Variants in DNM3 observed in about 807,000 individuals in gnomAD.
DNM3 encodes the protein dynamin 3.
Under a neutral mutation model 101.6 loss-of-function variants are expected in DNM3, and 47 were observed. The ratio of observed to expected loss-of-function variants is 0.46; its 90% CI spans 0.37 to 0.59. The LOEUF (loss-of-function observed/expected upper bound fraction) is 0.59. Ranked by LOEUF, DNM3 falls within the 20% of genes least tolerant of loss-of-function variation. DNM3 has a pLI of 0.00. For synonymous variants in DNM3, 385 were observed against 387.9 expected, an observed-to-expected ratio of 0.99 and a Z score of 0.09; for missense variants, 849 against 1,085.7, an observed-to-expected ratio of 0.78 and a Z score of 3.06.
At chr1:172,008,803 TA>T (rs1231830447) in intron 4 of DNM3, among the ~76,000 whole-genome samples, 1 of 139,990 alleles carries the variant, frequency 7.1e-6, no homozygotes, top group Non-Finnish European at 1.5e-5. Flanking sequence ...ATATAATATA[TA>T]ATATATAAAT....
At chr1:172,092,522 C>A (rs1340341950) in intron 12 of DNM3, among the ~76,000 whole-genome samples, 1 of 152,192 alleles carries the variant, frequency 6.6e-6, no homozygotes, top group Non-Finnish European at 1.5e-5. Context: ...TCCATTACAA[C>A]TCTCCTCTGT....
chr1:172,041,633 G>A (rs1191131694), intron 7 of DNM3, among the ~76,000 whole-genome samples: 1 of 152,118 alleles, frequency 6.6e-6, no homozygotes, highest in Non-Finnish European at 1.5e-5. Flanking sequence ...TAGAGCTGGA[G>A]CATTTGGGAC....
intron 1 of DNM3, among the ~76,000 whole-genome samples, chr1:171,845,096 T>C (rs896901555): frequency 6.6e-6 from 1 of 152,158 alleles, no homozygotes; most frequent in Non-Finnish European, 1.5e-5. Context: ...TAATTTAATA[T>C]AAAAACAGTG....
At chr1:172,247,401 G>A (rs1175105119) in intron 14 of DNM3, among the ~76,000 whole-genome samples, 3 of 152,126 alleles carry the variant, frequency 2.0e-5, no homozygotes, top group Non-Finnish European at 2.9e-5. Context: ...TTGTTCTAGT[G>A]AAGCATAAGT....
At chr1:172,300,848 T>C (rs181984257) in intron 15 of DNM3, among the ~76,000 whole-genome samples, 1 of 152,326 alleles carries the variant, frequency 6.6e-6, no homozygotes, top group Admixed American at 6.5e-5. Flanking sequence ...AGACAGGTGA[T>C]AAAGAGTGAA....
At chr1:172,355,276 C>A (rs1381340372) in intron 17 of DNM3, among the ~76,000 whole-genome samples, 1 of 151,640 alleles carries the variant, frequency 6.6e-6, no homozygotes, top group Non-Finnish European at 1.5e-5. Flanking sequence ...ATGAGTAAGT[C>A]AAGAGAATAA....
intron 2 of DNM3, among the ~76,000 whole-genome samples, chr1:171,961,291 C>T (rs2043195420): frequency 6.6e-6 from 1 of 152,040 alleles, no homozygotes; most frequent in South Asian, 2.1e-4. Flanking sequence ...GGCGGAAGGA[C>T]ATGAAAGACT....
At chr1:172,316,645 C>A (rs1021374931) in intron 16 of DNM3, among the ~76,000 whole-genome samples, 1 of 152,058 alleles carries the variant, frequency 6.6e-6, no homozygotes, top group Non-Finnish European at 1.5e-5. Flanking sequence ...ACAAAGAAGG[C>A]TATTACATAA....
intron 2 of DNM3, among the ~76,000 whole-genome samples, chr1:171,946,568 G>A (rs1205118540): frequency 6.6e-6 from 1 of 152,122 alleles, no homozygotes; most frequent in Non-Finnish European, 1.5e-5. Context: ...TAGAAGATAA[G>A]GTAATTGTGA....
chr1:171,854,637 T>G (rs1230311780), intron 1 of DNM3, among the ~76,000 whole-genome samples: 5 of 152,072 alleles, frequency 3.3e-5, no homozygotes, highest in African/African-American at 1.2e-4. Context: ...TCTTGGACTC[T>G]CCCAAAGAAA....
chr1:171,932,873 C>A (rs978657309), intron 2 of DNM3, among the ~76,000 whole-genome samples: 10 of 152,140 alleles, frequency 6.6e-5, no homozygotes, highest in African/African-American at 2.2e-4. Context: ...CAGTGGGGAC[C>A]TTTTGGTGAG....
In DNM3 at chr1:172,253,638, T is replaced by A; in HGVS notation, c.1725T>A (p.Phe575Leu). 1 of 1,595,250 alleles carries A rather than the reference T, an allele frequency of 6.3e-7. No individual in the cohort carries two copies. Among genetic ancestry groups the A allele is most frequent in the Non-Finnish European group, 8.5e-7 (1 of 1,170,440 alleles). The change falls in exon 15 of 21, where the codon TTT becomes TTA. Residue 575 changes from phenylalanine to leucine, a missense_variant. Physicochemically the swap from Phe to Leu is conservative, Grantham distance 22. Around this residue, in one of 5 missense-constraint regions of DNM3, gnomAD observed 193 missense variants for 238.4 expected, o/e 0.81. Coordinates refer to ENST00000627582, the MANE Select transcript of DNM3 (RefSeq NM_015569.5). ...AAGTTCGGGATGTGGAAAAGAGCTT[T>A]ATGTCTAGCAAGCACATCTTTGCAC... ...NLKVRDVEKS[F>L]MSSKHIFALF...
At chr1:172,234,406 A>G (rs979208421) in intron 14 of DNM3, among the ~76,000 whole-genome samples, 2 of 152,178 alleles carry the variant, frequency 1.3e-5, no homozygotes, top group African/African-American at 2.4e-5. Context: ...ATGGAAGAAC[A>G]TTCCATGCTC....
At chr1:171,939,123 A>G (rs12145177) in intron 2 of DNM3, among the ~76,000 whole-genome samples, 23,705 of 151,918 alleles carry the variant, frequency 0.16, 2,411 homozygotes, top group South Asian at 0.26. Context: ...AATAGACAAA[A>G]TTTCTAGTAG....
At chr1:172,323,384 C>A in intron 17 of DNM3, 44 bp downstream of exon 17, 1 of 1,592,634 alleles carries the variant, frequency 6.3e-7, no homozygotes. Context: ...CCCCCAGCCC[C>A]TGCTCCGCTC....
chr1:171,988,941 A>C lies in DNM3; in HGVS notation c.386-4A>C. On this transcript the variant is annotated splice_polypyrimidine_tract_variant and splice_region_variant and intron_variant, in intron 3 of 20. Transcript: ENST00000627582. The stretch of plus-strand genomic sequence containing the variant: ...TGTAAGACTCCTTTATCCTTTCCAC[A>C]CAGTGTTAAATCTAACCCTTATTGA... 1 of 1,578,710 alleles carries C rather than the reference A, an allele frequency of 6.3e-7. No homozygotes were observed. The highest frequency in any genetic ancestry group is 8.6e-7 in the Non-Finnish European group (1 of 1,161,050).
At position 172,410,415 on chromosome 1, in the gene DNM3, T is replaced by C. The variant is rs1328392737; in HGVS notation, c.*2574T>C. On this transcript the variant is annotated 3_prime_UTR_variant, in exon 21 of 21. Transcript: ENST00000627582. ...ATATTGTAAACACAATAGATGTAGCTCTATCATGTCTAGCATAATTTAAAA... is the reference window on the plus strand; with the variant it reads ...ATATTGTAAACACAATAGATGTAGCCCTATCATGTCTAGCATAATTTAAAA... 4.1e-6 allele frequency: 4 copies of C among 985,072 alleles called. No homozygotes were observed. The highest frequency in any genetic ancestry group is 4.8e-6 in the Non-Finnish European group (4 of 829,594). 61.0% of individuals were successfully genotyped at this position (985,072 alleles called of 1,614,324 possible).
chr1:172,256,598 A>T (rs1270164965), intron 15 of DNM3, among the ~76,000 whole-genome samples: 2 of 151,648 alleles, frequency 1.3e-5, no homozygotes, highest in Non-Finnish European at 2.9e-5. Flanking sequence ...CTCTTGCTAG[A>T]GTTTTGTGTC....
At chr1:171,922,070 C>A (rs901857876) in intron 2 of DNM3, among the ~76,000 whole-genome samples, 5 of 151,334 alleles carry the variant, frequency 3.3e-5, no homozygotes, top group African/African-American at 1.2e-4. Flanking sequence ...CATTGTAATC[C>A]ATCTATATAA....
Sources: gnomAD v4.1 joint callset for allele counts (sites outside exome capture counted in the v4.1 genomes callset) on GRCh38, gnomAD v4.1.1 for gene constraint, gnomAD v4.1.1 regional missense constraint, MANE v1.5 for transcripts, NCBI Gene and HGNC (gene_info 2026-07-23, HGNC 2026-07-21) for gene names.